The following PLCL2 variants were observed in gnomAD, a reference collection of about 807,000 sequenced individuals.
PLCL2 encodes inactive phospholipase C-like protein 2.
In PLCL2, 4 loss-of-function variants were observed where a neutral mutation model predicts 79.6. The ratio of observed to expected loss-of-function variants is 0.05; its 90% CI spans 0.02 to 0.11. PLCL2 has a LOEUF of 0.11. Among genes scored for constraint, PLCL2 ranks in the 10% least tolerant of loss-of-function variants. The probability of loss-of-function intolerance (pLI) is 1.00; values close to 1 mark genes in which losing one functional copy is unlikely to be tolerated. For missense variants in PLCL2, 895 were observed against 1,291.0 expected (o/e 0.69, Z 4.70); for synonymous variants, 484 against 457.7 (o/e 1.06, Z -0.73).
intron 5 of PLCL2, among the ~76,000 whole-genome samples, chr3:17,086,558 C>A (rs2065222245): frequency 6.6e-6 from 1 of 152,160 alleles, no homozygotes; most frequent in Non-Finnish European, 1.5e-5. Flanking sequence ...CATAGACAAT[C>A]CATTAAAGGA....
intron 1 of PLCL2, among the ~76,000 whole-genome samples, chr3:16,896,766 A>G (rs1224777324): frequency 1.3e-5 from 2 of 152,212 alleles, no homozygotes; most frequent in East Asian, 3.8e-4. Flanking sequence ...CTGAACACTT[A>G]TTCTGCCTAA....
chr3:17,055,461 G>T (rs1460111870), intron 4 of PLCL2, among the ~76,000 whole-genome samples: 1 of 151,952 alleles, frequency 6.6e-6, no homozygotes, highest in African/African-American at 2.4e-5. Context: ...ATAAGCAACT[G>T]GTCTCTAGAA....
chr3:16,904,965 A>G (rs1696717712), intron 1 of PLCL2, among the ~76,000 whole-genome samples: 1 of 152,146 alleles, frequency 6.6e-6, no homozygotes, highest in Non-Finnish European at 1.5e-5. Flanking sequence ...TCTTTCTTTT[A>G]TGAATTATCT....
chr3:16,913,867 G>A (rs1696935905), intron 1 of PLCL2, among the ~76,000 whole-genome samples: 2 of 152,140 alleles, frequency 1.3e-5, no homozygotes, highest in Admixed American at 6.5e-5. Flanking sequence ...CTCCTATTAT[G>A]AATAAAAGGG....
At chr3:16,930,897 G>A (rs1330910906) in intron 1 of PLCL2, among the ~76,000 whole-genome samples, 3 of 152,058 alleles carry the variant, frequency 2.0e-5, no homozygotes, top group Non-Finnish European at 4.4e-5. Flanking sequence ...CTCCCGTTTT[G>A]CTAACTCCCG....
intron 1 of PLCL2, among the ~76,000 whole-genome samples, chr3:17,003,557 A>G (rs1262436192): frequency 6.6e-6 from 1 of 152,082 alleles, no homozygotes. Context: ...GGCTTCTGGT[A>G]GGGTCAGGGA....
At chr3:16,987,108 A>G (rs755455600) in intron 1 of PLCL2, among the ~76,000 whole-genome samples, 1 of 151,788 alleles carries the variant, frequency 6.6e-6, no homozygotes, top group Non-Finnish European at 1.5e-5. Context: ...GCAACCTTGT[A>G]GAATAAATTA....
At chr3:17,072,865 A>G (rs917691181) in intron 5 of PLCL2, among the ~76,000 whole-genome samples, 1 of 152,130 alleles carries the variant, frequency 6.6e-6, no homozygotes, top group African/African-American at 2.4e-5. Flanking sequence ...CTTTCCTGCA[A>G]CCTACAGGAA....
At chr3:17,004,626 A>G (rs931721121) in intron 1 of PLCL2, among the ~76,000 whole-genome samples, 4 of 152,120 alleles carry the variant, frequency 2.6e-5, no homozygotes, top group Non-Finnish European at 5.9e-5. Flanking sequence ...TAAAGAGCAC[A>G]TCAAAGTTTT....
At chr3:16,918,401 TTCC>T (rs748094715) in intron 1 of PLCL2, among the ~76,000 whole-genome samples, 3 of 152,196 alleles carry the variant, frequency 2.0e-5, no homozygotes, top group Non-Finnish European at 2.9e-5. Context: ...ATAAAGCGAT[TTCC>T]TCCTTTTCTC....
At chr3:17,049,963 T>C (rs767509199) in intron 4 of PLCL2, among the ~76,000 whole-genome samples, 2 of 152,082 alleles carry the variant, frequency 1.3e-5, no homozygotes, top group African/African-American at 2.4e-5. Flanking sequence ...CAAAATCGCA[T>C]GATAATGGTA....
At chr3:16,931,599 T>C (rs114765352) in intron 1 of PLCL2, among the ~76,000 whole-genome samples, 3,178 of 152,292 alleles carry the variant, frequency 0.021, 54 homozygotes, top group South Asian at 0.043. Flanking sequence ...CTCACAAATA[T>C]TATTTATAGA....
chr3:17,012,022 G>C lies in PLCL2; in HGVS notation c.2676G>C (p.Arg892Ser), dbSNP rs1287685056. 2 of 1,614,176 alleles carry C rather than the reference G, an allele frequency of 1.2e-6. No homozygotes were observed. Among genetic ancestry groups the C allele is most frequent in the Non-Finnish European group, 1.7e-6 (2 of 1,180,014 alleles). ...NRRGGGKPHK[R>S]GLSVRKGKKS... is the part of the protein sequence containing the mutation. ...GAGGAGGAGGAAAGCCTCATAAAAG[G>C]GGCCTTTCTGTGAGAAAAGGGAAGA... is the stretch of plus-strand genomic sequence containing the variant. The change falls in exon 2 of 6, where the codon AGG becomes AGC. Residue 892 changes from arginine (R) to serine (S), a missense_variant. By Grantham distance (110) the Arg-to-Ser change is moderately radical (BLOSUM62 -1). Coordinates refer to ENST00000615277, the MANE Select transcript of PLCL2 (RefSeq NM_001144382.2).
At chr3:17,066,406 T>C in intron 4 of PLCL2, among the ~76,000 whole-genome samples, 1 of 152,220 alleles carries the variant, frequency 6.6e-6, no homozygotes, top group East Asian at 1.9e-4. Flanking sequence ...GTTTATCATA[T>C]GTGTGTCAGC....
chr3:17,025,780 T>TGTC (rs2064511473), intron 3 of PLCL2, among the ~76,000 whole-genome samples: 1 of 152,214 alleles, frequency 6.6e-6, no homozygotes, highest in Non-Finnish European at 1.5e-5. Context: ...TGTATTTCTA[T>TGTC]AAATAAAGTT....
At chr3:17,084,156 C>CA (rs1464957259) in intron 5 of PLCL2, among the ~76,000 whole-genome samples, 1 of 152,080 alleles carries the variant, frequency 6.6e-6, no homozygotes, top group African/African-American at 2.4e-5. Context: ...ATATTATGAA[C>CA]AATTCTATGC....
chr3:16,981,726 A>G (rs2064000852), intron 1 of PLCL2, among the ~76,000 whole-genome samples: 1 of 152,266 alleles, frequency 6.6e-6, no homozygotes, highest in South Asian at 2.1e-4. Flanking sequence ...TACAAGAACC[A>G]TGTGATGAAT....
intron 1 of PLCL2, among the ~76,000 whole-genome samples, chr3:16,899,145 C>T (rs576377820): frequency 7.1e-4 from 108 of 152,342 alleles, no homozygotes; most frequent in African/African-American, 2.5e-3. Flanking sequence ...CCATGATTCT[C>T]ACTTTAGTGG....
chr3:16,929,080 GCC>G (rs1575534178), intron 1 of PLCL2, among the ~76,000 whole-genome samples: 2 of 212 alleles, frequency 9.4e-3, no homozygotes, highest in Admixed American at 0.12. Context: ...GTACACCACA[GCC>G]GCAGCATAGA....
Sources: gnomAD v4.1 joint callset for allele counts (sites outside exome capture counted in the v4.1 genomes callset) on GRCh38, gnomAD v4.1.1 for gene constraint, MANE v1.5 for transcripts, NCBI Gene and HGNC (gene_info 2026-07-23, HGNC 2026-07-21) for gene names.